TGFBR2: variants seen among roughly 807,000 people sequenced by gnomAD.
TGFBR2 encodes the protein TGF-beta receptor type-2.
A neutral mutation model predicts 49.0 loss-of-function variants in TGFBR2; 18 were observed. That is an observed-to-expected ratio of 0.37 (90% CI 0.25 to 0.54). The LOEUF (loss-of-function observed/expected upper bound fraction) is 0.54. Ranked by LOEUF, TGFBR2 falls within the 20% of genes least tolerant of loss-of-function variation. The pLI, the probability that TGFBR2 is intolerant of heterozygous loss-of-function variation, is 0.85. For synonymous variants in TGFBR2, 282 were observed against 275.9 expected (o/e 1.02, Z -0.22); for missense variants, 525 against 722.6 (o/e 0.73, Z 3.13).
rs1369017595 is a variant in TGFBR2, at chr3:30,638,817, AAG to A, written c.95-5929_95-5928del. 7.9e-5 allele frequency among the ~76,000 whole-genome samples: 12 copies of A among 152,158 alleles called. No individual in the cohort carries two copies. In the South Asian group the frequency reaches 2.5e-3, roughly 32 times the overall value. ...TTTCTTCTTTGTTCTGGGTGGGAGG[AAG>A]TGTGTGACTAGCCAATAGCCTTGTC... On this transcript the variant is annotated intron_variant, in intron 1 of 6. Coordinates refer to ENST00000295754, the MANE Select transcript of TGFBR2 (RefSeq NM_003242.6).
intron 1 of TGFBR2, among the ~76,000 whole-genome samples, chr3:30,627,310 G>A (rs1698351472): frequency 6.6e-6 from 1 of 152,088 alleles, no homozygotes; most frequent in African/African-American, 2.4e-5. Context: ...CCCCACTTCA[G>A]GTTTCAGAAA....
At chr3:30,613,105 T>C (rs1698059614) in intron 1 of TGFBR2, among the ~76,000 whole-genome samples, 1 of 151,744 alleles carries the variant, frequency 6.6e-6, no homozygotes, top group East Asian at 1.9e-4. Flanking sequence ...GGAGATTCTA[T>C]CTGGGAAAGG....
intron 1 of TGFBR2, among the ~76,000 whole-genome samples, chr3:30,607,257 C>T (rs1191632332): frequency 6.6e-6 from 1 of 152,204 alleles, no homozygotes; most frequent in Non-Finnish European, 1.5e-5. Context: ...TCGAGGCGAG[C>T]CCCCACCCCC....
chr3:30,689,754 T>C (rs1699683218), intron 6 of TGFBR2, among the ~76,000 whole-genome samples: 1 of 152,242 alleles, frequency 6.6e-6, no homozygotes, highest in African/African-American at 2.4e-5. Context: ...TCTTTCAAAC[T>C]CTGTTGCCTC....
chr3:30,693,037 G>T lies in TGFBR2; in HGVS notation c.*1438G>T. 4.3e-6 allele frequency: 1 copy of T among 233,232 alleles called. No individual in the cohort carries two copies. The highest frequency in any genetic ancestry group is 2.2e-5 in the African/African-American group (1 of 45,442). The allele number at this position is 233,232 out of a possible 1,614,324, so 14.4% of individuals were successfully genotyped here. A position where few individuals can be genotyped will look rare whatever the true frequency, so the allele number is the denominator to read the frequency against. The stretch of plus-strand genomic sequence containing the variant: ...CTTGTAAGAAATGTCCATTCAAGCA[G>T]TCATTCTCTGGGTATATAATATGAT... On this transcript the variant is annotated 3_prime_UTR_variant, in exon 7 of 7. Transcript: ENST00000295754.
At position 30,608,742 on chromosome 3, in the gene TGFBR2, A is replaced by G. The variant is rs71323022; in HGVS notation, c.94+1765A>G. On this transcript the variant is annotated intron_variant, in intron 1 of 6. Coordinates refer to ENST00000295754, the MANE Select transcript of TGFBR2 (RefSeq NM_003242.6). ...AAGTCTTGACACACATTTGAGTCCT[A>G]TGGTTTTAATAAAATCTTAGTGTTT... is the stretch of plus-strand genomic sequence containing the variant. 6.9e-3 allele frequency among the ~76,000 whole-genome samples: 1,049 copies of G among 152,274 alleles called. 6 individuals are homozygous for G. The highest frequency in any genetic ancestry group is 0.011 in the Non-Finnish European group (761 of 68,032).
At chr3:30,651,375 C>T (rs17025960) in intron 3 of TGFBR2, among the ~76,000 whole-genome samples, 2,615 of 152,202 alleles carry the variant, frequency 0.017, 73 homozygotes, top group African/African-American at 0.06. Context: ...CCAATCTCTC[C>T]CTGTCTTCCT....
Position 30,674,826 on chromosome 3 carries a change from C to T in TGFBR2, c.1396+580C>T, listed in dbSNP as rs1033071484. On this transcript the variant is annotated intron_variant, in intron 5 of 6. Coordinates refer to ENST00000295754, the MANE Select transcript of TGFBR2 (RefSeq NM_003242.6). ...ACTGATTAGGAGACCTACTTTTCTC[C>T]TGAAAAGCTGGCTTGCTCTTTTTAT... is the stretch of plus-strand genomic sequence containing the variant. 1.4e-4 allele frequency among the ~76,000 whole-genome samples: 21 copies of T among 151,966 alleles called. 1 individual carries two copies.
intron 5 of TGFBR2, among the ~76,000 whole-genome samples, chr3:30,679,470 A>G (rs1389868294): frequency 1.3e-5 from 2 of 152,212 alleles, no homozygotes; most frequent in African/African-American, 4.8e-5. Context: ...GCCAGGTGGT[A>G]CAGCTTCATT....
chr3:30,634,499 C>T (rs1559453035), intron 1 of TGFBR2, among the ~76,000 whole-genome samples: 1 of 152,164 alleles, frequency 6.6e-6, no homozygotes, highest in African/African-American at 2.4e-5. Context: ...TGTCCCCCTT[C>T]CCTCAAGGGT....
intron 1 of TGFBR2, among the ~76,000 whole-genome samples, chr3:30,620,484 C>T (rs1575132452): frequency 1.3e-5 from 2 of 151,900 alleles, no homozygotes; most frequent in Admixed American, 6.6e-5. Context: ...TGGAAAATCT[C>T]GTATGATCTG....
chr3:30,644,669 G>T (rs1698697668), intron 1 of TGFBR2, 78 bp from the exon 2 acceptor site: 4 of 1,369,974 alleles, frequency 2.9e-6, no homozygotes, highest in Non-Finnish European at 4.1e-6. Flanking sequence ...ATTTGAAATT[G>T]CATAACATCT....
At chr3:30,644,310 C>T (rs1559456345) in intron 1 of TGFBR2, among the ~76,000 whole-genome samples, 1 of 152,162 alleles carries the variant, frequency 6.6e-6, no homozygotes, top group Non-Finnish European at 1.5e-5. Flanking sequence ...GCTCCCACAT[C>T]CTCTGTGCTG....
At chr3:30,682,376 A>G (rs1338918704) in intron 5 of TGFBR2, among the ~76,000 whole-genome samples, 3 of 152,242 alleles carry the variant, frequency 2.0e-5, no homozygotes, top group Non-Finnish European at 4.4e-5. Context: ...TTGAAGTGCT[A>G]AACTCAGTCA....
chr3:30,610,013 G>A (rs1698000101), intron 1 of TGFBR2, among the ~76,000 whole-genome samples: 1 of 152,098 alleles, frequency 6.6e-6, no homozygotes, highest in Non-Finnish European at 1.5e-5. Context: ...TTATGAACAT[G>A]ACTTTTTAAT....
In TGFBR2 at chr3:30,650,400, A is replaced by T. The variant is rs146497045; in HGVS notation, c.394A>T (p.Thr132Ser). 6.2e-7 allele frequency: 1 copy of T among 1,613,728 alleles called. No individual in the cohort carries two copies. ...GAAGGAAAAAAAAAAGCCTGGTGAGACTTTCTTCATGTGTTCCTGTAGCTC... is the reference window on the plus strand; with the variant it reads ...GAAGGAAAAAAAAAAGCCTGGTGAGTCTTTCTTCATGTGTTCCTGTAGCTC... Reference protein sequence around the residue: ...IMKEKKKPGETFFMCSCSSDE... With the variant: ...IMKEKKKPGESFFMCSCSSDE... Residue 132 changes from threonine (T) to serine (S), a missense_variant, in exon 3 of 7, where the codon ACT becomes TCT. Around this residue, in one of 3 missense-constraint regions of TGFBR2, gnomAD observed 376 missense variants for 478.2 expected, o/e 0.79. Transcript: ENST00000295754.
chr3:30,611,617 AGAATTTTATTACGAATG>A (rs1698030892), intron 1 of TGFBR2, among the ~76,000 whole-genome samples: 2 of 25,080 alleles, frequency 8.0e-5, no homozygotes, highest in African/African-American at 1.3e-4. Context: ...TGTCGGAAAG[AGAATTTTATTACGAATG>A]AAGTGCTAAA....
chr3:30,679,724 G>A (rs943065550), intron 5 of TGFBR2, among the ~76,000 whole-genome samples: 3 of 152,230 alleles, frequency 2.0e-5, no homozygotes, highest in Non-Finnish European at 4.4e-5. Context: ...CAGGAAGTGC[G>A]AAAGTTGTGG....
At chr3:30,628,533 T>G (rs890275299) in intron 1 of TGFBR2, among the ~76,000 whole-genome samples, 7 of 142,770 alleles carry the variant, frequency 4.9e-5, no homozygotes, top group African/African-American at 1.8e-4. Flanking sequence ...TGTGGGTTTT[T>G]TTTTTTTTTT....
Sources: gnomAD v4.1 joint callset for allele counts (sites outside exome capture counted in the v4.1 genomes callset) on GRCh38, gnomAD v4.1.1 for gene constraint, gnomAD v4.1.1 regional missense constraint, MANE v1.5 for transcripts, NCBI Gene and HGNC (gene_info 2026-07-23, HGNC 2026-07-21) for gene names.